The following SH3PXD2A variants were observed in gnomAD, a reference collection of about 807,000 sequenced individuals.
SH3PXD2A encodes the protein SH3 and PX domain-containing protein 2A.
In SH3PXD2A, 32 loss-of-function variants were observed where a neutral mutation model predicts 115.2. The observed-to-expected ratio is 0.28, with a 90% CI of 0.21 to 0.37. The LOEUF is 0.37. SH3PXD2A is among the 10% of genes least tolerant of loss of function. The pLI is 1.00. For synonymous variants in SH3PXD2A, 610 were observed against 629.1 expected (o/e 0.97, Z 0.45); for missense variants, 1,328 against 1,498.7 (o/e 0.89, Z 1.88).
intron 2 of SH3PXD2A, among the ~76,000 whole-genome samples, chr10:103,788,902 C>A (rs2039005580): frequency 6.6e-6 from 1 of 152,118 alleles, no homozygotes; most frequent in Non-Finnish European, 1.5e-5. Context: ...ATAAAATAAA[C>A]TAGTGTCCCT....
intron 2 of SH3PXD2A, among the ~76,000 whole-genome samples, chr10:103,779,226 G>A (rs1012588313): frequency 1.3e-5 from 2 of 152,142 alleles, no homozygotes; most frequent in African/African-American, 4.8e-5. Context: ...CTGCCACCAC[G>A]CCCAGCTAAT....
At position 103,602,042 on chromosome 10, in the gene SH3PXD2A, C is replaced by T. The variant is rs749914163; in HGVS notation, c.3176G>A (p.Arg1059His). The change falls in exon 15 of 15, where the codon CGC (arginine) becomes CAC (histidine). Residue 1059 changes from arginine to histidine, a missense_variant. Transcript: ENST00000369774. ...QRNSIPVSPV[R>H]PKPIEKSQFI... ...CTGAGACTTCTCGATGGGCTTGGGG[C>T]GCACAGGGGACACGGGTATGCTGTT... is the stretch of plus-strand genomic sequence containing the variant. 6.1e-5 allele frequency: 98 copies of T among 1,609,944 alleles called. No individual in the cohort carries two copies. The highest frequency in any genetic ancestry group is 3.3e-4 in the South Asian group (30 of 90,352).
chr10:103,625,980 ACTCT>A (rs1437003577), intron 9 of SH3PXD2A, among the ~76,000 whole-genome samples: 1 of 152,018 alleles, frequency 6.6e-6, no homozygotes, highest in African/African-American at 2.4e-5. Context: ...AGGGGCCAAG[ACTCT>A]CCCCTGCTGC....
chr10:103,847,380 C>T (rs1411539773), intron 1 of SH3PXD2A, among the ~76,000 whole-genome samples: 1 of 151,826 alleles, frequency 6.6e-6, no homozygotes, highest in Non-Finnish European at 1.5e-5. Flanking sequence ...GTGGTGTGAT[C>T]ACGGTTTACT....
At chr10:103,695,877 C>T (rs1267447970) in intron 5 of SH3PXD2A, among the ~76,000 whole-genome samples, 1 of 152,236 alleles carries the variant, frequency 6.6e-6, no homozygotes, top group Non-Finnish European at 1.5e-5. Context: ...CCGAGGACTT[C>T]CGGGTCCCTC....
intron 3 of SH3PXD2A, among the ~76,000 whole-genome samples, chr10:103,755,884 C>T (rs979738044): frequency 3.9e-5 from 6 of 152,180 alleles, no homozygotes; most frequent in African/African-American, 1.4e-4. Context: ...TTCCTTCACA[C>T]GAGCTTCGAT....
intron 5 of SH3PXD2A, among the ~76,000 whole-genome samples, chr10:103,722,788 C>T (rs976091764): frequency 1.3e-5 from 2 of 152,162 alleles, no homozygotes; most frequent in African/African-American, 4.8e-5. Context: ...ACTTTGCATC[C>T]TATACCCTGT....
intron 3 of SH3PXD2A, among the ~76,000 whole-genome samples, chr10:103,765,712 G>A (rs1324069336): frequency 6.6e-6 from 1 of 152,234 alleles, no homozygotes; most frequent in Non-Finnish European, 1.5e-5. Flanking sequence ...TGTGCCCACA[G>A]CATCCCAGAT....
chr10:103,765,588 G>A (rs1235220477), intron 3 of SH3PXD2A, among the ~76,000 whole-genome samples: 3 of 152,226 alleles, frequency 2.0e-5, no homozygotes, highest in Non-Finnish European at 4.4e-5. Flanking sequence ...TCTTTCTCTG[G>A]AGTGCTAGCT....
At chr10:103,768,165 G>A (rs1211013241) in intron 2 of SH3PXD2A, among the ~76,000 whole-genome samples, 7 of 152,232 alleles carry the variant, frequency 4.6e-5, no homozygotes, top group African/African-American at 7.2e-5. Context: ...AAGTTCTTGC[G>A]CTCAGGGAGT....
chr10:103,754,577 A>AGG (rs1322819948), intron 3 of SH3PXD2A: 1 of 151,628 alleles, frequency 6.6e-6, no homozygotes, highest in African/African-American at 2.4e-5. Flanking sequence ...CCTTGGCCCA[A>AGG]AACTTCACCC....
In SH3PXD2A at chr10:103,762,014, C is replaced by CTTTTTTTTTT. The variant is rs79615908; in HGVS notation, c.229+5070_229+5079dup. On this transcript the variant is annotated intron_variant, in intron 3 of 14. Transcript: ENST00000369774. ...CACACACTAGGAGCAATCAACACGT[C>CTTTTTTTTTT]TTTTTTTTTTTTTTTTTTTTTTTTT... Among the ~76,000 whole-genome samples the CTTTTTTTTTT allele has an allele frequency of 1.5e-3, 132 of 90,680 alleles. 8 individuals carry two copies. The highest frequency in any genetic ancestry group is 2.5e-3 in the South Asian group (5 of 2,022). 59.5% of individuals were successfully genotyped at this position (90,680 alleles called of 152,430 possible). A position where few individuals can be genotyped will look rare whatever the true frequency, so the allele number is the denominator to read the frequency against.
chr10:103,772,621 T>C (rs1363151965), intron 2 of SH3PXD2A, among the ~76,000 whole-genome samples: 1 of 152,066 alleles, frequency 6.6e-6, no homozygotes, highest in Non-Finnish European at 1.5e-5. Context: ...GTGTGAGAGA[T>C]AGGGGACAGC....
chr10:103,676,674 C>G (rs1048425138), intron 6 of SH3PXD2A, among the ~76,000 whole-genome samples: 2 of 152,108 alleles, frequency 1.3e-5, no homozygotes, highest in Non-Finnish European at 2.9e-5. Flanking sequence ...GCCAGGGAGG[C>G]TGGCAGGTTC....
chr10:103,853,632 C>T (rs1842915708), intron 1 of SH3PXD2A, among the ~76,000 whole-genome samples: 2 of 152,202 alleles, frequency 1.3e-5, no homozygotes, highest in South Asian at 4.1e-4. Flanking sequence ...ACCAGTGTGT[C>T]CTGCATCTGC....
chr10:103,659,825 AGCCTGC>A (rs1308494253), intron 8 of SH3PXD2A, among the ~76,000 whole-genome samples: 4 of 152,200 alleles, frequency 2.6e-5, no homozygotes, highest in Admixed American at 6.5e-5. Flanking sequence ...TGGTGGCAGG[AGCCTGC>A]ACCCACCTCC....
chr10:103,808,258 CTT>C (rs1173942378), intron 1 of SH3PXD2A, among the ~76,000 whole-genome samples: 2 of 143,574 alleles, frequency 1.4e-5, no homozygotes, highest in Non-Finnish European at 1.5e-5. Flanking sequence ...CTTTTTTTTT[CTT>C]TTTTTTTTTG....
At chr10:103,726,819 G>A (rs979652119) in intron 4 of SH3PXD2A, among the ~76,000 whole-genome samples, 2 of 152,156 alleles carry the variant, frequency 1.3e-5, no homozygotes. Context: ...CCTTCTCGAT[G>A]CCAAACCCAC....
chr10:103,700,600 G>T (rs1261462468), intron 5 of SH3PXD2A, among the ~76,000 whole-genome samples: 2 of 152,232 alleles, frequency 1.3e-5, no homozygotes, highest in Non-Finnish European at 2.9e-5. Context: ...CAGTCCATGG[G>T]AGTGGGAGGA....
Sources: gnomAD v4.1 joint callset for allele counts (sites outside exome capture counted in the v4.1 genomes callset) on GRCh38, gnomAD v4.1.1 for gene constraint, MANE v1.5 for transcripts, NCBI Gene and HGNC (gene_info 2026-07-23, HGNC 2026-07-21) for gene names.